Variants in CDS1 observed in about 807,000 individuals in gnomAD.
CDS1 encodes phosphatidate cytidylyltransferase 1.
Under a neutral mutation model 62.1 loss-of-function variants are expected in CDS1, and 41 were observed. The observed-to-expected ratio is 0.66, with a 90% CI of 0.51 to 0.86. CDS1 has a LOEUF of 0.86. Ranked by LOEUF, CDS1 falls within the 40% of genes least tolerant of loss-of-function variation. CDS1 has a pLI of 0.00. For missense variants in CDS1, 470 were observed against 550.1 expected, an observed-to-expected ratio of 0.85 and a Z score of 1.46; for synonymous variants, 185 against 192.6, an observed-to-expected ratio of 0.96 and a Z score of 0.32.
Position 84,583,261 on chromosome 4 carries a change from G to A in CDS1, c.-141G>A, listed in dbSNP as rs937898002. 2 of 603,932 alleles carry A rather than the reference G, an allele frequency of 3.3e-6. No homozygotes were observed. Among genetic ancestry groups the A allele is most frequent in the African/African-American group, 4.0e-5 (2 of 50,594 alleles). The allele number at this position is 603,932 out of a possible 1,614,324, so 37.4% of individuals were successfully genotyped here. A position where few individuals can be genotyped will look rare whatever the true frequency, so the allele number is the denominator to read the frequency against. The stretch of plus-strand genomic sequence containing the variant: ...ACCGGCGCGGCGGCCGCTCTATGGT[G>A]GGGCCGCGTTAGTGGCTGCGGCTCC... On this transcript the variant is annotated 5_prime_UTR_variant, in exon 1 of 13. Transcript: ENST00000295887.
intron 2 of CDS1, among the ~76,000 whole-genome samples, chr4:84,608,750 C>G (rs544682728): frequency 1.3e-5 from 2 of 152,224 alleles, no homozygotes; most frequent in Admixed American, 6.5e-5. Flanking sequence ...GGCATCATCT[C>G]TTTTGAGGGC....
chr4:84,635,617 GC>G (rs754987804), intron 8 of CDS1, among the ~76,000 whole-genome samples: 2,613 of 91,566 alleles, frequency 0.029, 46 homozygotes, highest in South Asian at 0.052. Context: ...CTGCCTGCCT[GC>G]CTGCCTGCCT....
chr4:84,627,156 T>C (rs1443075), intron 5 of CDS1, among the ~76,000 whole-genome samples: 9,292 of 152,302 alleles, frequency 0.061, 422 homozygotes, highest in African/African-American at 0.13. Flanking sequence ...AGAAAATGTA[T>C]GTCTTACCAG....
intron 9 of CDS1, among the ~76,000 whole-genome samples, chr4:84,640,450 C>T (rs1724343919): frequency 6.6e-6 from 1 of 151,816 alleles, no homozygotes; most frequent in South Asian, 2.1e-4. Flanking sequence ...TGGCTAAGAA[C>T]AATGGTGTTT....
At chr4:84,612,023 G>A (rs1480990404) in intron 3 of CDS1, among the ~76,000 whole-genome samples, 1 of 151,934 alleles carries the variant, frequency 6.6e-6, no homozygotes, top group Non-Finnish European at 1.5e-5. Flanking sequence ...AGTTCCACAA[G>A]TCTTTGTGGG....
At position 84,609,437 on chromosome 4, in the gene CDS1, A is replaced by C; in HGVS notation, c.254A>C (p.Asn85Thr). Residue 85 changes from asparagine (N) to threonine (T), a missense_variant, in exon 3 of 13, where the codon AAC becomes ACC. Asn to Thr is a moderately conservative substitution (Grantham distance 65). Transcript: ENST00000295887. ...TTACATTTTCTTTGTAGGTGGAAAAACTGGTGGATACGTGGAATTCTCACT... is the reference window on the plus strand; with the variant it reads ...TTACATTTTCTTTGTAGGTGGAAAACCTGGTGGATACGTGGAATTCTCACT... The part of the protein sequence containing the change: ...ALSGLSSRWK[N>T]WWIRGILTLT... 1 of 1,602,496 alleles carries C rather than the reference A, an allele frequency of 6.2e-7. No individual in the cohort carries two copies. The highest frequency in any genetic ancestry group is 8.5e-7 in the Non-Finnish European group (1 of 1,170,048).
In CDS1 at chr4:84,649,852, C is replaced by T. The variant is rs529521917; in HGVS notation, c.*1166C>T. ...AAATCAAGCAGAATTGATTCCTACA[C>T]GAAAAAAAAGCACACGAATGCCAAA... On this transcript the variant is annotated 3_prime_UTR_variant, in exon 13 of 13. Coordinates refer to ENST00000295887, the MANE Select transcript of CDS1 (RefSeq NM_001263.4). 2.0e-5 allele frequency: 3 copies of T among 151,650 alleles called. No individual in the cohort carries two copies. Among genetic ancestry groups the T allele is most frequent in the South Asian group, 4.2e-4 (2 of 4,814 alleles). The allele number at this position is 151,650 out of a possible 1,614,324, so 9.4% of individuals were successfully genotyped here.
In CDS1 at chr4:84,643,763, G is replaced by C. The variant is rs537818855; in HGVS notation, c.1152+620G>C. Among the ~76,000 whole-genome samples the C allele has an allele frequency of 1.6e-3, 243 of 152,264 alleles. 2 individuals are homozygous for C. The highest frequency in any genetic ancestry group is 2.6e-3 in the Non-Finnish European group (180 of 68,032). On this transcript the variant is annotated intron_variant, in intron 11 of 12. Coordinates refer to ENST00000295887, the MANE Select transcript of CDS1 (RefSeq NM_001263.4). ...TCTGATCTGTGGGACATACTTTTCT[G>C]ACCCCTGTTCCAGAGACCTAAAATT...
At chr4:84,615,157 C>T (rs1371423258) in intron 3 of CDS1, among the ~76,000 whole-genome samples, 1 of 152,102 alleles carries the variant, frequency 6.6e-6, no homozygotes, top group Non-Finnish European at 1.5e-5. Context: ...CTTTCCCAAG[C>T]CTTCCTTGGT....
intron 5 of CDS1, among the ~76,000 whole-genome samples, chr4:84,628,933 G>A (rs1287918225): frequency 3.9e-5 from 6 of 152,194 alleles, no homozygotes; most frequent in East Asian, 1.9e-4. Context: ...CGAGATGTAC[G>A]TATCTTTGTA....
At chr4:84,619,911 A>G (rs530436649) in intron 5 of CDS1, among the ~76,000 whole-genome samples, 13 of 151,780 alleles carry the variant, frequency 8.6e-5, no homozygotes, top group African/African-American at 2.9e-4. Context: ...ACATGCCTAT[A>G]ATTTCAGCTA....
chr4:84,622,308 G>C lies in CDS1; in HGVS notation c.580+2775G>C, dbSNP rs1723712859. ...TTGTAATTATTTAAAACAACTGCGGGCCAGGTGCGGTGGCTCACACCTGTA... is the reference window on the plus strand; with the variant it reads ...TTGTAATTATTTAAAACAACTGCGGCCCAGGTGCGGTGGCTCACACCTGTA... On this transcript the variant is annotated intron_variant, in intron 5 of 12. Transcript: ENST00000295887. Among the ~76,000 whole-genome samples, 4 of 152,286 alleles carry C rather than the reference G, an allele frequency of 2.6e-5. No individual in the cohort carries two copies. In the South Asian group the frequency reaches 8.3e-4, roughly 32 times the overall value.
chr4:84,591,715 G>T (rs535081927), intron 1 of CDS1, among the ~76,000 whole-genome samples: 14 of 152,130 alleles, frequency 9.2e-5, no homozygotes, highest in Admixed American at 2.0e-4. Flanking sequence ...CAGCCTAAAT[G>T]CCCTGCTCAG....
intron 1 of CDS1, among the ~76,000 whole-genome samples, chr4:84,594,454 A>AT (rs879459496): frequency 3.9e-3 from 582 of 149,646 alleles, no homozygotes; most frequent in African/African-American, 0.011. Context: ...ATAGATATAC[A>AT]TTTTTTTTTT....
At chr4:84,642,786 T>C (rs1724427022) in intron 10 of CDS1, among the ~76,000 whole-genome samples, 1 of 152,204 alleles carries the variant, frequency 6.6e-6, no homozygotes, top group African/African-American at 2.4e-5. Flanking sequence ...AAGATTTCAG[T>C]GTGCCAGTTG....
At chr4:84,615,115 A>G (rs1280364897) in intron 3 of CDS1, among the ~76,000 whole-genome samples, 7 of 151,948 alleles carry the variant, frequency 4.6e-5, no homozygotes, top group African/African-American at 1.7e-4. Context: ...ATGACAGTTG[A>G]CCCAATTTGT....
intron 1 of CDS1, 52 bp downstream of exon 1, chr4:84,583,570 G>T: frequency 2.6e-6 from 3 of 1,143,984 alleles, no homozygotes; most frequent in Non-Finnish European, 3.7e-6. Context: ...GTCCTGGTTG[G>T]AAGCGGGACA....
intron 1 of CDS1, among the ~76,000 whole-genome samples, chr4:84,599,866 A>G (rs986944534): frequency 7.2e-5 from 11 of 152,170 alleles, no homozygotes; most frequent in African/African-American, 2.7e-4. Flanking sequence ...CTTTGCTTGT[A>G]TCTACACTTC....
At chr4:84,615,781 A>G (rs1723475251) in intron 3 of CDS1, among the ~76,000 whole-genome samples, 1 of 152,150 alleles carries the variant, frequency 6.6e-6, no homozygotes, top group African/African-American at 2.4e-5. Context: ...TGAAACATTA[A>G]TTGGGCCAAC....
Sources: allele counts gnomAD v4.1 joint callset (sites outside exome capture counted in the v4.1 genomes callset), GRCh38; gene constraint gnomAD v4.1.1; transcripts MANE v1.5; gene names NCBI Gene and HGNC (gene_info 2026-07-23, HGNC 2026-07-21).